Variants in RNF150 observed in about 807,000 individuals in gnomAD.
RNF150 encodes ring finger protein 150.
RNF150 carries 24 observed loss-of-function variants against 39.3 expected under a neutral mutation model. That is an observed-to-expected ratio of 0.61 (90% CI 0.44 to 0.86). The LOEUF is 0.86. Ranked by LOEUF, RNF150 falls within the 40% of genes least tolerant of loss-of-function variation. The probability of loss-of-function intolerance (pLI) is 0.00; values close to 1 mark genes in which losing one functional copy is unlikely to be tolerated. For missense variants in RNF150, 502 were observed against 587.8 expected, an observed-to-expected ratio of 0.85 and a Z score of 1.51; for synonymous variants, 255 against 227.3, an observed-to-expected ratio of 1.12 and a Z score of -1.10.
chr4:141,013,340 T>C (rs1004719019), intron 1 of RNF150, among the ~76,000 whole-genome samples: 19 of 152,136 alleles, frequency 1.2e-4, no homozygotes, highest in African/African-American at 4.6e-4. Context: ...GGATAAGAGG[T>C]ACTGTTCTTT....
chr4:140,969,474 A>G (rs1733373781), intron 1 of RNF150, among the ~76,000 whole-genome samples: 1 of 151,842 alleles, frequency 6.6e-6, no homozygotes, highest in Admixed American at 6.6e-5. Context: ...ATGTGGTCTG[A>G]GGTTGTGTGG....
intron 1 of RNF150, among the ~76,000 whole-genome samples, chr4:141,147,540 G>C (rs1727223273): frequency 6.6e-6 from 1 of 152,244 alleles, no homozygotes; most frequent in Non-Finnish European, 1.5e-5. Flanking sequence ...TGCAAATTTA[G>C]TGTATCTCTA....
Position 140,911,258 on chromosome 4 carries a change from C to G in RNF150, c.1084G>C (p.Val362Leu). Residue 362 changes from valine (V) to leucine (L), a missense_variant, in exon 6 of 7, where the codon GTG becomes CTG. Transcript: ENST00000515673. ...TCCAAAGTGACTGAACTTTCATTCA[C>G]TGTTGTGTCGCTGGCACCTGTGATC... ...NQITGASDTT[V>L]NESSVTLDPA... 6.2e-7 allele frequency: 1 copy of G among 1,614,142 alleles called. No homozygotes were observed.
chr4:141,132,428 C>T lies in RNF150; in HGVS notation c.381G>A (p.Thr127=). ...ACGCGTTCCGGATCTTATCCCTGTA[C>T]GTGCAGTTGCCCTTGGGGATGAGGG... ...WIALIPKGNC[T]YRDKIRNAFL... is the part of the protein sequence containing the mutation. The change falls in exon 1 of 7, where the codon ACG becomes ACA. Residue 127 remains threonine (T), a synonymous_variant. Transcript: ENST00000515673. The surrounding 1 kb of genome is among the most constrained non-coding windows in gnomAD (Gnocchi z 4.9). The T allele has an allele frequency of 1.2e-6, 2 of 1,610,148 alleles. No homozygotes were observed. Among genetic ancestry groups the T allele is most frequent in the Non-Finnish European group, 1.7e-6 (2 of 1,178,712 alleles).
chr4:141,112,334 A>T (rs865944537), intron 1 of RNF150, among the ~76,000 whole-genome samples: 1 of 150,796 alleles, frequency 6.6e-6, no homozygotes. Context: ...ATGGTCTTAC[A>T]ATTTGGTATG....
At chr4:141,163,058 A>T (rs2111160854) in intron 1 of RNF150, among the ~76,000 whole-genome samples, 1 of 152,244 alleles carries the variant, frequency 6.6e-6, no homozygotes, top group African/African-American at 2.4e-5. Flanking sequence ...ACTGGCTTGA[A>T]ATTCTCATTG....
chr4:141,033,567 A>G (rs1463559158), intron 1 of RNF150, among the ~76,000 whole-genome samples: 3 of 152,168 alleles, frequency 2.0e-5, no homozygotes, highest in Non-Finnish European at 2.9e-5. Context: ...AAGTTTTTCA[A>G]TTGACTTCAC....
chr4:140,976,375 A>G (rs1245484886), intron 1 of RNF150, among the ~76,000 whole-genome samples: 1 of 151,834 alleles, frequency 6.6e-6, no homozygotes, highest in Non-Finnish European at 1.5e-5. Flanking sequence ...GTTAACTCCT[A>G]GCTCACAATA....
chr4:141,156,712 G>T (rs1727407204), intron 1 of RNF150, among the ~76,000 whole-genome samples: 1 of 136,702 alleles, frequency 7.3e-6, no homozygotes, highest in Admixed American at 7.7e-5. Flanking sequence ...TGACCAATAT[G>T]GCAAAACCCT....
intron 1 of RNF150, among the ~76,000 whole-genome samples, chr4:141,000,376 G>A (rs762211685): frequency 1.3e-5 from 2 of 152,112 alleles, no homozygotes; most frequent in African/African-American, 2.4e-5. Context: ...GTATGTATAA[G>A]GAAAATTCCT....
At chr4:140,923,137 A>C (rs1306373449) in intron 5 of RNF150, among the ~76,000 whole-genome samples, 1 of 151,850 alleles carries the variant, frequency 6.6e-6, no homozygotes, top group Non-Finnish European at 1.5e-5. Context: ...AATTAAACTA[A>C]GGACCTTCTG....
At chr4:141,034,725 G>A (rs1006819339) in intron 1 of RNF150, among the ~76,000 whole-genome samples, 8 of 152,014 alleles carry the variant, frequency 5.3e-5, no homozygotes, top group African/African-American at 1.7e-4. Flanking sequence ...CGAAGGAGAG[G>A]GAGAGAGAGA....
intron 1 of RNF150, among the ~76,000 whole-genome samples, chr4:141,205,727 C>T (rs1003863098): frequency 1.3e-5 from 2 of 152,186 alleles, no homozygotes; most frequent in Non-Finnish European, 2.9e-5. Flanking sequence ...AGAATAATCT[C>T]TTAGTTTCTA....
chr4:141,044,092 C>T (rs947952317), intron 1 of RNF150, among the ~76,000 whole-genome samples: 3 of 152,174 alleles, frequency 2.0e-5, no homozygotes, highest in African/African-American at 7.2e-5. Context: ...TTTAAACACA[C>T]ATAGGCAAAG....
intron 1 of RNF150, chr4:141,053,686 C>A: frequency 7.1e-7 from 1 of 1,405,794 alleles, no homozygotes; most frequent in Non-Finnish European, 9.3e-7. Flanking sequence ...GGAATATGGG[C>A]ATGGTGAAAT....
chr4:141,198,236 A>G (rs1728237099), intron 1 of RNF150, among the ~76,000 whole-genome samples: 1 of 152,122 alleles, frequency 6.6e-6, no homozygotes, highest in African/African-American at 2.4e-5. Context: ...CATGTTGGCC[A>G]GGCTGGTCTC....
intron 1 of RNF150, among the ~76,000 whole-genome samples, chr4:141,019,726 A>C (rs1383826393): frequency 6.6e-6 from 1 of 152,184 alleles, no homozygotes; most frequent in Non-Finnish European, 1.5e-5. Flanking sequence ...AATGCTAACC[A>C]ATTCAAATGG....
rs114543755 is a variant in RNF150, at chr4:141,016,690, G to A, written c.485-48817C>T. On this transcript the variant is annotated intron_variant, in intron 1 of 6. Transcript: ENST00000515673. ...TGGACATTTCTCAATTTTTCATCCT[G>A]CTTAATATCTCTGTAGTTGGCTGAC... Among the ~76,000 whole-genome samples the A allele has an allele frequency of 3.2e-3, 488 of 152,230 alleles. 2 individuals carry two copies. The highest frequency in any genetic ancestry group is 0.011 in the African/African-American group (470 of 41,530).
rs746890764 is a variant in RNF150, at chr4:141,203,057, T to TTATATATATA, written c.-6+9727_-6+9736dup. Among the ~76,000 whole-genome samples, 443 of 120,198 alleles carry TTATATATATA rather than the reference T, an allele frequency of 3.7e-3. 3 individuals carry two copies. The highest frequency in any genetic ancestry group is 7.1e-3 in the African/African-American group (215 of 30,216). 78.9% of individuals were successfully genotyped at this position (120,198 alleles called of 152,430 possible). ...TGAGTTGGGTGTCCTCTTGGAGATT[T>TTATATATATA]TATATATATATATATATATACACAC... On this transcript the variant is annotated intron_variant, in intron 1 of 7. Coordinates refer to the RNF150 transcript ENST00000420921.
Sources: gnomAD v4.1 joint callset for allele counts (sites outside exome capture counted in the v4.1 genomes callset) on GRCh38, gnomAD v4.1.1 for gene constraint, Gnocchi (gnomAD v3.1) non-coding constraint, MANE v1.5 for transcripts, NCBI Gene and HGNC (gene_info 2026-07-23, HGNC 2026-07-21) for gene names.